SLC4A4: variants seen among roughly 807,000 people sequenced by gnomAD.
SLC4A4 encodes solute carrier family 4 member 4, also known as electrogenic sodium bicarbonate cotransporter 1.
A neutral mutation model predicts 111.5 loss-of-function variants in SLC4A4; 27 were observed. The ratio of observed to expected loss-of-function variants is 0.24; its 90% CI spans 0.18 to 0.33. The LOEUF is 0.33. SLC4A4 is among the 10% of genes least tolerant of loss of function. The probability of loss-of-function intolerance (pLI) is 1.00; values close to 1 mark genes in which losing one functional copy is unlikely to be tolerated. For synonymous variants in SLC4A4, 443 were observed against 463.4 expected, an observed-to-expected ratio of 0.96 and a Z score of 0.57; for missense variants, 909 against 1,315.5, an observed-to-expected ratio of 0.69 and a Z score of 4.78.
rs539923522 is a variant in SLC4A4 at position 71,144,380 on chromosome 4, T to C, written c.-2+51588T>C. Among the ~76,000 whole-genome samples, 5 of 152,368 alleles carry C rather than the reference T, an allele frequency of 3.3e-5. No individual in the cohort carries two copies. The South Asian group carries it at 1.0e-3, about 32-fold the overall frequency. On this transcript the variant is annotated intron_variant, in intron 2 of 26. Coordinates refer to the SLC4A4 transcript ENST00000649996. The stretch of plus-strand genomic sequence containing the variant: ...TAGTATAGTTTGAAGTCAGTTAGCG[T>C]GATGCCTCCAGCTTTGTTCTTTTGG...
chr4:71,131,868 A>G (rs978365291), intron 2 of SLC4A4, among the ~76,000 whole-genome samples: 24 of 152,078 alleles, frequency 1.6e-4, no homozygotes, highest in Admixed American at 4.6e-4. Context: ...ACATTTTCCC[A>G]TCTGTATCCA....
At chr4:71,451,095 A>T in intron 10 of SLC4A4, 93 bp from the exon 11 acceptor site, 1 of 824,596 alleles carries the variant, frequency 1.2e-6, no homozygotes, top group Middle Eastern at 2.5e-4. Context: ...AAGGGTTTTC[A>T]CTCCATCTCC....
At chr4:71,158,393 T>A (rs543142287) in intron 2 of SLC4A4, among the ~76,000 whole-genome samples, 1 of 152,220 alleles carries the variant, frequency 6.6e-6, no homozygotes, top group East Asian at 1.9e-4. Context: ...AACAGACTAA[T>A]CAACACCACT....
intron 2 of SLC4A4, among the ~76,000 whole-genome samples, chr4:71,138,897 G>A (rs962041215): frequency 7.9e-5 from 12 of 152,108 alleles, no homozygotes; most frequent in East Asian, 1.9e-4. Context: ...TTAGCCAGGC[G>A]TGGTGGTGGG....
At chr4:71,218,715 G>T (rs1027938895) in intron 1 of SLC4A4, among the ~76,000 whole-genome samples, 9 of 152,236 alleles carry the variant, frequency 5.9e-5, no homozygotes, top group African/African-American at 2.2e-4. Context: ...CTGTAAAAGG[G>T]GGATGATAAT....
At chr4:71,071,424 T>C (rs978162673) in intron 1 of SLC4A4, among the ~76,000 whole-genome samples, 24 of 152,306 alleles carry the variant, frequency 1.6e-4, no homozygotes, top group Admixed American at 1.4e-3. Flanking sequence ...GGGCTATTGA[T>C]AAAGATATTT....
rs148880439 is a variant in SLC4A4 at position 71,471,627 on chromosome 4, C to T, written c.1632-1072C>T. 7.2e-3 allele frequency among the ~76,000 whole-genome samples: 1,101 copies of T among 151,994 alleles called. 6 individuals are homozygous for T. The highest frequency in any genetic ancestry group is 9.4e-3 in the Non-Finnish European group (635 of 67,902). The stretch of plus-strand genomic sequence containing the variant: ...TCTCATGCAAGTAATACCTACTACC[C>T]GCTTTTTCGTCACAAATAAATAGAG... On this transcript the variant is annotated intron_variant, in intron 13 of 25. Coordinates refer to ENST00000264485, the MANE Select transcript of SLC4A4 (RefSeq NM_001098484.3).
chr4:71,353,833 C>A (rs961520212), intron 5 of SLC4A4, among the ~76,000 whole-genome samples: 7 of 152,226 alleles, frequency 4.6e-5, no homozygotes, highest in African/African-American at 1.7e-4. Context: ...CTACCCCTCA[C>A]CAGCCTGCCT....
intron 2 of SLC4A4, among the ~76,000 whole-genome samples, chr4:71,242,791 TTTCTACAAATC>T (rs1349891834): frequency 1.4e-5 from 2 of 146,454 alleles, no homozygotes; most frequent in African/African-American, 5.5e-5. Context: ...ATTATAATCT[TTTCTACAAATC>T]GTAACTGGTG....
chr4:71,262,281 T>A (rs776214213), intron 3 of SLC4A4, among the ~76,000 whole-genome samples: 4 of 152,210 alleles, frequency 2.6e-5, no homozygotes, highest in African/African-American at 9.6e-5. Context: ...CAGGGCTTTA[T>A]GAGTGTGAAC....
intron 7 of SLC4A4, among the ~76,000 whole-genome samples, chr4:71,399,607 A>G (rs186420199): frequency 2.0e-5 from 3 of 151,662 alleles, no homozygotes; most frequent in South Asian, 2.1e-4. Flanking sequence ...TCTCAATTCA[A>G]TATACTTTTT....
intron 2 of SLC4A4, among the ~76,000 whole-genome samples, chr4:71,239,187 AAGT>A (rs1332823798): frequency 1.3e-5 from 2 of 152,202 alleles, no homozygotes; most frequent in Non-Finnish European, 2.9e-5. Flanking sequence ...TCTTTTATGA[AAGT>A]AGTTATTTCT....
chr4:71,406,061 G>A (rs933094593), intron 7 of SLC4A4, among the ~76,000 whole-genome samples: 3 of 151,918 alleles, frequency 2.0e-5, no homozygotes, highest in African/African-American at 7.3e-5. Context: ...GCCCTTCTTG[G>A]TGGTCAGCAT....
intron 2 of SLC4A4, among the ~76,000 whole-genome samples, chr4:71,148,233 G>A (rs1744229967): frequency 6.6e-6 from 1 of 152,134 alleles, no homozygotes; most frequent in South Asian, 2.1e-4. Flanking sequence ...AGACAGCTCT[G>A]ACAATTGGAA....
At chr4:71,096,514 A>C (rs182045998) in intron 2 of SLC4A4, among the ~76,000 whole-genome samples, 2 of 152,188 alleles carry the variant, frequency 1.3e-5, no homozygotes, top group South Asian at 4.1e-4. Context: ...AGGTGCCAAA[A>C]AACTCAGTAA....
intron 1 of SLC4A4, among the ~76,000 whole-genome samples, chr4:71,201,843 C>T (rs1560776380): frequency 6.6e-6 from 1 of 151,844 alleles, no homozygotes; most frequent in Non-Finnish European, 1.5e-5. Flanking sequence ...TAATTTTTAC[C>T]AGAAGAAAGA....
rs547492281 is a variant in SLC4A4 at position 71,329,922 on chromosome 4, C to T, written c.254-9448C>T. Among the ~76,000 whole-genome samples the T allele has an allele frequency of 3.3e-5, 5 of 152,162 alleles. No homozygotes were observed. In the South Asian group the frequency reaches 1.0e-3, roughly 32 times the overall value. On this transcript the variant is annotated intron_variant, in intron 3 of 25. Coordinates refer to ENST00000264485, the MANE Select transcript of SLC4A4 (RefSeq NM_001098484.3). ...AGAGGAAAGACTTTCAGTTTTTTGC[C>T]ATTCAGCATGATACTAGGTGTAGGT... is the stretch of plus-strand genomic sequence containing the variant.
At chr4:71,362,652 G>A (rs1730896231) in intron 6 of SLC4A4, among the ~76,000 whole-genome samples, 1 of 152,218 alleles carries the variant, frequency 6.6e-6, no homozygotes, top group Non-Finnish European at 1.5e-5. Flanking sequence ...GCAATGGGAG[G>A]TGAGGAAGAC....
chr4:71,510,258 T>C (rs1202329858), intron 16 of SLC4A4, among the ~76,000 whole-genome samples: 3 of 152,344 alleles, frequency 2.0e-5, no homozygotes, highest in Non-Finnish European at 2.9e-5. Flanking sequence ...AGCAGAAGGA[T>C]GCCTTTTCCT....
Sources: allele counts gnomAD v4.1 joint callset (sites outside exome capture counted in the v4.1 genomes callset), GRCh38; gene constraint gnomAD v4.1.1; transcripts MANE v1.5; gene names NCBI Gene and HGNC (gene_info 2026-07-23, HGNC 2026-07-21).